The following THSD4 variants were observed in gnomAD, a reference collection of about 807,000 sequenced individuals.
The protein encoded by THSD4 is thrombospondin type-1 domain-containing protein 4.
Under a neutral mutation model 119.0 loss-of-function variants are expected in THSD4, and 69 were observed. That is an observed-to-expected ratio of 0.58 (90% CI 0.48 to 0.71). THSD4 has a LOEUF of 0.71. Ranked by LOEUF, THSD4 falls within the 30% of genes least tolerant of loss-of-function variation. The pLI is 0.00. For missense variants in THSD4, 1,393 were observed against 1,391.1 expected (o/e 1.00, Z -0.02); for synonymous variants, 524 against 540.4 (o/e 0.97, Z 0.42).
chr15:71,230,022 G>A (rs993610296), intron 4 of THSD4, among the ~76,000 whole-genome samples: 1 of 152,140 alleles, frequency 6.6e-6, no homozygotes, highest in Non-Finnish European at 1.5e-5. Context: ...AATCATTATT[G>A]CTGTAGTATT....
At chr15:71,677,822 C>T (rs188282394) in intron 8 of THSD4, among the ~76,000 whole-genome samples, 17 of 152,252 alleles carry the variant, frequency 1.1e-4, no homozygotes, top group Admixed American at 7.2e-4. Flanking sequence ...TTAATTGTAT[C>T]GTCTGTCTCA....
At position 71,748,419 on chromosome 15, in the gene THSD4, A is replaced by G. The variant is rs1403518847; in HGVS notation, c.2242-2A>G. 1 of 1,613,970 alleles carries G rather than the reference A, an allele frequency of 6.2e-7. No individual in the cohort carries two copies. Among genetic ancestry groups the G allele is most frequent in the Non-Finnish European group, 8.5e-7 (1 of 1,179,982 alleles). ...CCCTGACGTCAGTGTGCTGTGTTTCAGTGCTCGGTGCCCTGCGGCGTGGGA... is the reference window on the plus strand; with the variant it reads ...CCCTGACGTCAGTGTGCTGTGTTTCGGTGCTCGGTGCCCTGCGGCGTGGGA... On this transcript the variant is annotated splice_acceptor_variant, in intron 13 of 17. Coordinates refer to ENST00000261862, the MANE Select transcript of THSD4 (RefSeq NM_024817.3). LOFTEE classifies it high-confidence loss of function.
chr15:71,259,665 C>T (rs1478492365), intron 6 of THSD4, among the ~76,000 whole-genome samples: 2 of 152,120 alleles, frequency 1.3e-5, no homozygotes, highest in Non-Finnish European at 2.9e-5. Context: ...CCCTCCCCAG[C>T]GATTGTGATT....
chr15:71,145,223 A>G (rs1322794277), intron 2 of THSD4, among the ~76,000 whole-genome samples: 1 of 152,146 alleles, frequency 6.6e-6, no homozygotes, highest in African/African-American at 2.4e-5. Flanking sequence ...TTTATATTTC[A>G]AGTGAAAGCA....
chr15:71,644,199 A>G (rs946419408), intron 7 of THSD4, among the ~76,000 whole-genome samples: 1 of 152,126 alleles, frequency 6.6e-6, no homozygotes, highest in African/African-American at 2.4e-5. Context: ...GATGATCTCT[A>G]TGTTTTCTTC....
intron 8 of THSD4, among the ~76,000 whole-genome samples, chr15:71,670,326 C>T (rs1024812908): frequency 2.8e-4 from 42 of 151,890 alleles, no homozygotes; most frequent in Non-Finnish European, 4.3e-4. Context: ...TAAGAACATG[C>T]GGTGTTTGGT....
chr15:71,189,861 C>G (rs936876227), intron 3 of THSD4, among the ~76,000 whole-genome samples: 4 of 152,116 alleles, frequency 2.6e-5, no homozygotes, highest in Non-Finnish European at 5.9e-5. Flanking sequence ...ATGCAGGAGG[C>G]CTCTGGTGGG....
At chr15:71,321,964 C>T (rs1309244224) in intron 6 of THSD4, among the ~76,000 whole-genome samples, 2 of 149,474 alleles carry the variant, frequency 1.3e-5, no homozygotes, top group Non-Finnish European at 3.0e-5. Flanking sequence ...ATATTAACAA[C>T]AATCAAAGAC....
intron 3 of THSD4, among the ~76,000 whole-genome samples, chr15:71,158,351 C>G (rs1334350759): frequency 2.0e-5 from 3 of 151,942 alleles, no homozygotes; most frequent in Non-Finnish European, 2.9e-5. Flanking sequence ...CGGGGTTTCT[C>G]CATGTTGATC....
Position 71,377,886 on chromosome 15 carries a change from A to ACC in THSD4, c.1016-33800_1016-33799insCC, listed in dbSNP as rs1566961404. On this transcript the variant is annotated intron_variant, in intron 6 of 17. Transcript: ENST00000261862. ...ATCCACAACACACACACACACACACACACACACACACACACACACACACAC... is the reference window on the plus strand; with the variant it reads ...ATCCACAACACACACACACACACACACCCACACACACACACACACACACACAC... 4.5e-4 allele frequency among the ~76,000 whole-genome samples: 37 copies of ACC among 82,616 alleles called. 1 individual carries two copies. In the South Asian group the frequency reaches 5.9e-3, roughly 13 times the overall value. 54.2% of individuals were successfully genotyped at this position (82,616 alleles called of 152,430 possible).
Position 71,646,933 on chromosome 15 carries a change from A to C in THSD4, c.1153-13597A>C, listed in dbSNP as rs150643676. ...GCTCGTTTAAGTGATGGCTGACATC[A>C]GGAGGCCTTTTGAGCCAGAAGAATG... On this transcript the variant is annotated intron_variant, in intron 7 of 17. Coordinates refer to ENST00000261862, the MANE Select transcript of THSD4 (RefSeq NM_024817.3). Among the ~76,000 whole-genome samples, 4 of 152,332 alleles carry C rather than the reference A, an allele frequency of 2.6e-5. No individual in the cohort carries two copies. In the East Asian group the frequency reaches 5.8e-4, roughly 22 times the overall value.
At chr15:71,149,815 C>T (rs2040702431) in intron 2 of THSD4, among the ~76,000 whole-genome samples, 1 of 152,050 alleles carries the variant, frequency 6.6e-6, no homozygotes, top group Admixed American at 6.6e-5. Context: ...ACCCTCACTG[C>T]AGCTGAGATG....
intron 1 of THSD4, among the ~76,000 whole-genome samples, chr15:71,129,785 C>T (rs1021532574): frequency 1.1e-4 from 17 of 152,144 alleles, no homozygotes; most frequent in African/African-American, 4.1e-4. Flanking sequence ...GTGATTGCTA[C>T]AAATCATTGA....
In THSD4 at chr15:71,746,906, T is replaced by G; in HGVS notation, c.2105T>G (p.Leu702Arg). Residue 702 changes from leucine to arginine, a missense_variant, in exon 13 of 18, where the codon CTG becomes CGG. By Grantham distance (102) the Leu-to-Arg change is moderately radical (BLOSUM62 -2). Coordinates refer to ENST00000261862, the MANE Select transcript of THSD4 (RefSeq NM_024817.3). Reference sequence around the variant, plus strand: ...CTGGGCATGCAGCACCGCCAGGTTCTGTGCCGCCAGGTGTACGCCAACCGC... The same window carrying G: ...CTGGGCATGCAGCACCGCCAGGTTCGGTGCCGCCAGGTGTACGCCAACCGC... Reference protein sequence around the residue: ...CGLGMQHRQVLCRQVYANRSL... With the variant: ...CGLGMQHRQVRCRQVYANRSL... 1.2e-6 allele frequency: 2 copies of G among 1,614,084 alleles called. No individual in the cohort carries two copies. Among genetic ancestry groups the G allele is most frequent in the Non-Finnish European group, 1.7e-6 (2 of 1,180,030 alleles).
chr15:71,609,775 C>T (rs2140908408), intron 7 of THSD4, among the ~76,000 whole-genome samples: 1 of 151,062 alleles, frequency 6.6e-6, no homozygotes, highest in East Asian at 2.0e-4. Flanking sequence ...TGGCGTGAAC[C>T]CAGGAGGCAG....
intron 6 of THSD4, among the ~76,000 whole-genome samples, chr15:71,308,550 G>A (rs1254063976): frequency 6.6e-6 from 1 of 152,092 alleles, no homozygotes; most frequent in African/African-American, 2.4e-5. Flanking sequence ...TTTACATTGT[G>A]CAGTTCAGTG....
At chr15:71,477,158 G>A (rs143434467) in intron 7 of THSD4, among the ~76,000 whole-genome samples, 3 of 152,316 alleles carry the variant, frequency 2.0e-5, no homozygotes, top group Non-Finnish European at 2.9e-5. Flanking sequence ...GCATTGAAAC[G>A]AGGCAAAAGC....
Position 71,705,836 on chromosome 15 carries a change from A to G in THSD4, c.1358-22713A>G, listed in dbSNP as rs116694489. Among the ~76,000 whole-genome samples, 1,061 of 152,324 alleles carry G rather than the reference A, an allele frequency of 7.0e-3. 18 individuals carry two copies. Among genetic ancestry groups the G allele is most frequent in the African/African-American group, 0.025 (1,028 of 41,572 alleles). On this transcript the variant is annotated intron_variant, in intron 8 of 17. Coordinates refer to ENST00000261862, the MANE Select transcript of THSD4 (RefSeq NM_024817.3). ...TGTGGCAGTTCATATAATGAGGGAG[A>G]TAAGTAAAATGCCCTATATGCCCTG...
At chr15:71,344,902 C>T (rs8030394) in intron 6 of THSD4, among the ~76,000 whole-genome samples, 141,597 of 152,016 alleles carry the variant, frequency 0.93, 66,539 homozygotes, top group East Asian at 1. Context: ...GTGAGATCTG[C>T]CAAGGTGGGA....
Sources: gnomAD v4.1 joint callset for allele counts (sites outside exome capture counted in the v4.1 genomes callset) on GRCh38, gnomAD v4.1.1 for gene constraint, MANE v1.5 for transcripts, NCBI Gene and HGNC (gene_info 2026-07-23, HGNC 2026-07-21) for gene names.